Variants in STS observed in about 807,000 individuals in gnomAD.
STS encodes steroid sulfatase.
STS carries 7 observed loss-of-function variants against 26.8 expected under a neutral mutation model. That is an observed-to-expected ratio of 0.26 (90% CI 0.15 to 0.49). The LOEUF (loss-of-function observed/expected upper bound fraction) is 0.49, where lower values mean the gene tolerates loss of function less well. Among genes scored for constraint, STS ranks in the 20% least tolerant of loss-of-function variants. The pLI is 0.98. For synonymous variants in STS, 199 were observed against 189.4 expected, an observed-to-expected ratio of 1.05 and a Z score of -0.42; for missense variants, 434 against 465.6, an observed-to-expected ratio of 0.93 and a Z score of 0.63.
At chrX:7,189,199 C>T (rs1232478003) in intron 1 of STS, among the ~76,000 whole-genome samples, 2 of 111,143 alleles carry the variant, frequency 1.8e-5, no homozygotes, top group African/African-American at 6.5e-5. Context: ...TATTTCAAAG[C>T]ATAAACAATA....
intron 7 of STS, among the ~76,000 whole-genome samples, chrX:7,288,930 C>A (rs1296317483): frequency 9.0e-6 from 1 of 111,547 alleles, no homozygotes; most frequent in Non-Finnish European, 1.9e-5. Context: ...CCCATGAGGT[C>A]CAGCATTGGC....
At chrX:7,193,653 G>C (rs1933919314) in intron 2 of STS, among the ~76,000 whole-genome samples, 1 of 110,884 alleles carries the variant, frequency 9.0e-6, no homozygotes, top group Admixed American at 9.6e-5. Context: ...GTGTTGCAGT[G>C]GGGGTTAAAA....
intron 6 of STS, among the ~76,000 whole-genome samples, chrX:7,269,632 G>A (rs1269544861): frequency 5.4e-5 from 6 of 110,667 alleles, no homozygotes; most frequent in African/African-American, 2.0e-4. Context: ...TATTTCTGGT[G>A]CCTGGTATTG....
At chrX:7,329,990 CGTGAGATTTCTCTCTGGCA>C (rs1347278145) in intron 9 of STS, among the ~76,000 whole-genome samples, 1 of 111,845 alleles carries the variant, frequency 8.9e-6, no homozygotes, top group Non-Finnish European at 1.9e-5. Flanking sequence ...GATGTGCTTA[CGTGAGATTTCTCTCTGGCA>C]GTGAATTTTT....
chrX:7,221,779 C>T (rs145983795), intron 2 of STS, among the ~76,000 whole-genome samples: 2 of 112,034 alleles, frequency 1.8e-5, no homozygotes, highest in Admixed American at 9.4e-5. Flanking sequence ...AAACCATGTG[C>T]GCCTCTAGGC....
chrX:7,214,377 T>C (rs949065479), intron 2 of STS, among the ~76,000 whole-genome samples: 1 of 111,923 alleles, frequency 8.9e-6, no homozygotes, highest in Admixed American at 9.5e-5. Context: ...TTATTGTCTC[T>C]GATTAATCAC....
chrX:7,278,825 T>G (rs1409021682), intron 7 of STS, among the ~76,000 whole-genome samples: 2 of 111,891 alleles, frequency 1.8e-5, no homozygotes, highest in Non-Finnish European at 3.8e-5. Context: ...CACATGTATT[T>G]GTGGGAGCCA....
chrX:7,324,832 T>C (rs1270911579), intron 8 of STS, among the ~76,000 whole-genome samples: 1 of 111,857 alleles, frequency 8.9e-6, no homozygotes, highest in African/African-American at 3.3e-5. Context: ...ATGATTATAT[T>C]AGATCCACTC....
At chrX:7,159,241 G>A (rs1427881380) in intron 1 of STS, among the ~76,000 whole-genome samples, 2 of 111,077 alleles carry the variant, frequency 1.8e-5, no homozygotes, top group Non-Finnish European at 3.8e-5. Flanking sequence ...CAAGGTGTGT[G>A]GTCAGAAGAC....
intron 2 of STS, chrX:7,252,350 G>A: frequency 5.6e-6 from 4 of 709,371 alleles, no homozygotes; most frequent in Non-Finnish European, 6.7e-6. Flanking sequence ...GAGTAAGTAA[G>A]ACCTCAGGCT....
At chrX:7,198,047 T>C (rs1269690852) in intron 2 of STS, among the ~76,000 whole-genome samples, 1 of 110,971 alleles carries the variant, frequency 9.0e-6, no homozygotes, top group African/African-American at 3.3e-5. Flanking sequence ...GACACCAATA[T>C]AAAAAATGAT....
chrX:7,353,939 A>G lies in STS; in HGVS notation c.*3678A>G, dbSNP rs1340180612. The G allele has an allele frequency of 8.9e-6, 1 of 111,853 alleles. No homozygotes were observed. Among genetic ancestry groups the G allele is most frequent in the Non-Finnish European group, 1.9e-5 (1 of 53,196 alleles). 9.2% of individuals were successfully genotyped at this position (111,853 alleles called of 1,213,427 possible). On this transcript the variant is annotated 3_prime_UTR_variant, in exon 11 of 11. Coordinates refer to ENST00000674429, the MANE Select transcript of STS (RefSeq NM_001320752.2). ...CTTAAATCATAGCTGTCTGACCTCTACGGACCTCACATCCATCTGAGGCTT... is the reference window on the plus strand; with the variant it reads ...CTTAAATCATAGCTGTCTGACCTCTGCGGACCTCACATCCATCTGAGGCTT...
chrX:7,350,605 T>C lies in STS; in HGVS notation c.*344T>C. The stretch of plus-strand genomic sequence containing the variant: ...AGAAGGCAATCTTAAAACAGAAAGG[T>C]GCAGGAGGTACCTTAACTCACCCCT... On this transcript the variant is annotated 3_prime_UTR_variant, in exon 11 of 11. Transcript: ENST00000674429. The C allele has an allele frequency of 4.0e-6, 1 of 250,141 alleles. No homozygotes were observed. Among genetic ancestry groups the C allele is most frequent in the Non-Finnish European group, 7.1e-6 (1 of 140,785 alleles). 20.6% of individuals were successfully genotyped at this position (250,141 alleles called of 1,213,427 possible). A position where few individuals can be genotyped will look rare whatever the true frequency, so the allele number is the denominator to read the frequency against.
chrX:7,235,317 A>G (rs113535980), intron 2 of STS, among the ~76,000 whole-genome samples: 10 of 111,876 alleles, frequency 8.9e-5, no homozygotes, highest in African/African-American at 2.9e-4. Context: ...CAACAGAGGT[A>G]TCCTGCCTAT....
chrX:7,313,223 CT>C (rs1186257817), intron 8 of STS, among the ~76,000 whole-genome samples: 4 of 112,101 alleles, frequency 3.6e-5, no homozygotes, highest in Non-Finnish European at 5.6e-5. Flanking sequence ...AGAATATATA[CT>C]TTTTTTTCAT....
At chrX:7,158,609 G>A (rs1289292250) in intron 1 of STS, among the ~76,000 whole-genome samples, 1 of 111,714 alleles carries the variant, frequency 9.0e-6, no homozygotes, top group African/African-American at 3.3e-5. Flanking sequence ...AGTAACCACA[G>A]CAGGGGGAAT....
chrX:7,350,579 C>G lies in STS; in HGVS notation c.*318C>G. On this transcript the variant is annotated 3_prime_UTR_variant, in exon 11 of 11. Coordinates refer to ENST00000674429, the MANE Select transcript of STS (RefSeq NM_001320752.2). ...AGTGCAAGCAGATGACAAAAAGGTG[C>G]AGAAGGCAATCTTAAAACAGAAAGG... 1 of 298,190 alleles carries G rather than the reference C, an allele frequency of 3.4e-6. No individual in the cohort carries two copies. Among genetic ancestry groups the G allele is most frequent in the Non-Finnish European group, 5.9e-6 (1 of 170,022 alleles). The allele number at this position is 298,190 out of a possible 1,213,427, so 24.6% of individuals were successfully genotyped here.
intron 9 of STS, 135 bp downstream of exon 9, chrX:7,325,633 G>C (rs763843595): frequency 5.0e-5 from 37 of 738,977 alleles, no homozygotes; most frequent in South Asian, 8.9e-5. Flanking sequence ...ACAGGTTTGA[G>C]GCAGGTCAAT....
chrX:7,299,995 C>T (rs1162206630), intron 7 of STS, among the ~76,000 whole-genome samples: 1 of 111,824 alleles, frequency 8.9e-6, no homozygotes, highest in African/African-American at 3.3e-5. Context: ...CAGTGCCTGA[C>T]TCTTAATAGT....
Sources: gnomAD v4.1 joint callset for allele counts (sites outside exome capture counted in the v4.1 genomes callset) on GRCh38, gnomAD v4.1.1 for gene constraint, MANE v1.5 for transcripts, NCBI Gene and HGNC (gene_info 2026-07-23, HGNC 2026-07-21) for gene names.